Variants in CACNA2D3 observed in about 807,000 individuals in gnomAD.
The protein encoded by CACNA2D3 is calcium voltage-gated channel auxiliary subunit alpha2delta 3.
A neutral mutation model predicts 160.6 loss-of-function variants in CACNA2D3; 60 were observed. That is an observed-to-expected ratio of 0.37 (90% CI 0.30 to 0.46). The LOEUF is 0.46. CACNA2D3 is among the 20% of genes least tolerant of loss of function. The pLI, the probability that CACNA2D3 is intolerant of heterozygous loss-of-function variation, is 1.00. For synonymous variants in CACNA2D3, 558 were observed against 492.9 expected (o/e 1.13, Z -1.75); for missense variants, 1,205 against 1,365.0 (o/e 0.88, Z 1.85).
At chr3:54,391,004 G>A (rs1213212371) in intron 4 of CACNA2D3, among the ~76,000 whole-genome samples, 1 of 148,154 alleles carries the variant, frequency 6.7e-6, no homozygotes, top group Non-Finnish European at 1.5e-5. Context: ...TTTTCATACT[G>A]AAAAATAAAA....
intron 29 of CACNA2D3, among the ~76,000 whole-genome samples, chr3:54,981,442 A>G (rs1702505675): frequency 1.3e-5 from 2 of 152,298 alleles, no homozygotes; most frequent in South Asian, 4.1e-4. Context: ...AATCCTTTAC[A>G]GAGAATTTTT....
intron 2 of CACNA2D3, among the ~76,000 whole-genome samples, chr3:54,201,564 T>G (rs1045097025): frequency 2.0e-5 from 3 of 152,216 alleles, no homozygotes; most frequent in Non-Finnish European, 4.4e-5. Context: ...ATTTAGTAAA[T>G]AGTCTACAAC....
chr3:54,178,959 A>G (rs545479211), intron 2 of CACNA2D3, among the ~76,000 whole-genome samples: 2 of 152,182 alleles, frequency 1.3e-5, no homozygotes, highest in African/African-American at 4.8e-5. Context: ...TTTGCATAGC[A>G]AACTTTTTTT....
intron 2 of CACNA2D3, among the ~76,000 whole-genome samples, chr3:54,145,837 G>A (rs779201046): frequency 7.9e-5 from 12 of 152,070 alleles, no homozygotes; most frequent in Non-Finnish European, 1.3e-4. Context: ...TCTTCTCTCC[G>A]GGATGGCTGT....
At position 55,074,143 on chromosome 3, in the gene CACNA2D3, G is replaced by A. The variant is rs76872118; in HGVS notation, c.3213G>A (p.Pro1071=). The A allele has an allele frequency of 1.0e-4, 161 of 1,613,810 alleles. No homozygotes were observed. The highest frequency in any genetic ancestry group is 8.7e-4 in the African/African-American group (65 of 74,996). ...ATGCAAGGGAGTGTGGGGGTGCGCC[G>A]AGTCTCCAAGCCCAGACAGTCCTCC... ...EENARECGGA[P]SLQAQTVLLL... Residue 1071 remains proline, a synonymous_variant, in exon 38 of 38, where the codon CCG becomes CCA. Transcript: ENST00000474759.
chr3:54,776,734 C>G (rs1203167338), intron 13 of CACNA2D3, among the ~76,000 whole-genome samples: 1 of 152,104 alleles, frequency 6.6e-6, no homozygotes. Flanking sequence ...TCTCTGAGCC[C>G]CAGGCTCACA....
At chr3:54,943,734 T>C (rs1701537752) in intron 27 of CACNA2D3, among the ~76,000 whole-genome samples, 1 of 152,166 alleles carries the variant, frequency 6.6e-6, no homozygotes, top group South Asian at 2.1e-4. Context: ...CATCTTGCTT[T>C]GGTGAGATCT....
intron 2 of CACNA2D3, among the ~76,000 whole-genome samples, chr3:54,161,629 G>A (rs1294653457): frequency 1.3e-5 from 2 of 152,242 alleles, no homozygotes; most frequent in African/African-American, 4.8e-5. Context: ...GTGCAAACTT[G>A]TGTGCCCTTC....
chr3:54,797,178 G>A (rs758835647), intron 13 of CACNA2D3, among the ~76,000 whole-genome samples: 6 of 152,188 alleles, frequency 3.9e-5, no homozygotes, highest in Non-Finnish European at 5.9e-5. Flanking sequence ...GTGACATTGT[G>A]TCTTTTGTTT....
intron 5 of CACNA2D3, among the ~76,000 whole-genome samples, chr3:54,543,715 C>T (rs1172536878): frequency 6.6e-6 from 1 of 152,162 alleles, no homozygotes; most frequent in East Asian, 1.9e-4. Context: ...CTCAGGACCT[C>T]AAGATTTTTT....
chr3:54,830,583 A>G (rs1474072220), intron 14 of CACNA2D3, among the ~76,000 whole-genome samples: 1 of 151,404 alleles, frequency 6.6e-6, no homozygotes, highest in Non-Finnish European at 1.5e-5. Context: ...CAAGTAGAGT[A>G]GCTGGGATTA....
At chr3:54,677,038 G>C (rs1167128179) in intron 11 of CACNA2D3, among the ~76,000 whole-genome samples, 1 of 152,168 alleles carries the variant, frequency 6.6e-6, no homozygotes, top group East Asian at 1.9e-4. Context: ...TTGAGATTCA[G>C]AAAGGAGTTG....
At chr3:54,705,570 A>G (rs1466356278) in intron 11 of CACNA2D3, among the ~76,000 whole-genome samples, 3 of 152,228 alleles carry the variant, frequency 2.0e-5, no homozygotes, top group African/African-American at 7.2e-5. Flanking sequence ...TATAGATAAC[A>G]CATTGACAGA....
At chr3:54,980,969 C>T (rs1204378367) in intron 29 of CACNA2D3, among the ~76,000 whole-genome samples, 1 of 152,070 alleles carries the variant, frequency 6.6e-6, no homozygotes, top group Non-Finnish European at 1.5e-5. Context: ...TTGATTTAAG[C>T]ACCTATTATT....
intron 9 of CACNA2D3, among the ~76,000 whole-genome samples, chr3:54,588,350 A>T (rs1207427858): frequency 6.6e-6 from 1 of 152,224 alleles, no homozygotes; most frequent in Non-Finnish European, 1.5e-5. Context: ...ACAGAAACCT[A>T]CAGGTAACAT....
At chr3:54,283,096 C>T (rs1336121746) in intron 2 of CACNA2D3, among the ~76,000 whole-genome samples, 1 of 152,110 alleles carries the variant, frequency 6.6e-6, no homozygotes, top group African/African-American at 2.4e-5. Flanking sequence ...GAGTTTTGAG[C>T]CAGCAGGACT....
intron 35 of CACNA2D3, among the ~76,000 whole-genome samples, chr3:55,028,402 C>A (rs1703610454): frequency 6.6e-6 from 1 of 152,120 alleles, no homozygotes; most frequent in South Asian, 2.1e-4. Flanking sequence ...TTTTTGTCAT[C>A]CAATACCCCA....
intron 35 of CACNA2D3, among the ~76,000 whole-genome samples, chr3:55,035,457 A>G (rs1419568346): frequency 6.6e-6 from 1 of 152,202 alleles, no homozygotes; most frequent in Admixed American, 6.5e-5. Context: ...AAAATTGTTG[A>G]GATTAATGGA....
chr3:54,472,877 A>G (rs1700759674), intron 4 of CACNA2D3, among the ~76,000 whole-genome samples: 1 of 152,220 alleles, frequency 6.6e-6, no homozygotes, highest in African/African-American at 2.4e-5. Flanking sequence ...CTGCTCAAGG[A>G]AATAAAAGAG....
Sources: allele counts gnomAD v4.1 joint callset (sites outside exome capture counted in the v4.1 genomes callset), GRCh38; gene constraint gnomAD v4.1.1; transcripts MANE v1.5; gene names NCBI Gene and HGNC (gene_info 2026-07-23, HGNC 2026-07-21).